Variants in SCAMP1 observed in about 807,000 individuals in gnomAD.
SCAMP1 encodes the protein secretory carrier-associated membrane protein 1.
SCAMP1 carries 15 observed loss-of-function variants against 41.8 expected under a neutral mutation model. The observed-to-expected ratio is 0.36, with a 90% CI of 0.24 to 0.55. SCAMP1 has a LOEUF of 0.55. SCAMP1 is among the 20% of genes least tolerant of loss of function. The pLI, the probability that SCAMP1 is intolerant of heterozygous loss-of-function variation, is 0.86. For missense variants in SCAMP1, 341 were observed against 412.6 expected (o/e 0.83, Z 1.50); for synonymous variants, 135 against 136.8 (o/e 0.99, Z 0.09).
intron 2 of SCAMP1, among the ~76,000 whole-genome samples, chr5:78,393,739 C>T (rs567832032): frequency 1.3e-5 from 2 of 152,108 alleles, no homozygotes; most frequent in East Asian, 1.9e-4. Context: ...CTGGCCTACC[C>T]TCTAAAATCT....
intron 1 of SCAMP1, among the ~76,000 whole-genome samples, chr5:78,378,068 G>A (rs986026555): frequency 2.2e-4 from 34 of 152,134 alleles, no homozygotes; most frequent in Admixed American, 6.6e-5. Flanking sequence ...CTTGCCTGAT[G>A]TCACAGTATT....
At chr5:78,435,832 A>T (rs920261702) in intron 6 of SCAMP1, among the ~76,000 whole-genome samples, 29 of 152,302 alleles carry the variant, frequency 1.9e-4, no homozygotes, top group African/African-American at 7.0e-4. Context: ...ACTAATTTAC[A>T]TTCCCATCAA....
chr5:78,411,112 G>A (rs1752065088), intron 2 of SCAMP1, among the ~76,000 whole-genome samples: 1 of 151,994 alleles, frequency 6.6e-6, no homozygotes, highest in East Asian at 1.9e-4. Flanking sequence ...CTGATAGTTT[G>A]TTTTGCTGTG....
At chr5:78,391,890 G>C (rs889837329) in intron 2 of SCAMP1, among the ~76,000 whole-genome samples, 11 of 152,138 alleles carry the variant, frequency 7.2e-5, no homozygotes, top group Non-Finnish European at 1.6e-4. Flanking sequence ...GCCTGCAATC[G>C]CAGGCACTCG....
At chr5:78,460,304 A>G (rs748509154) in intron 8 of SCAMP1, among the ~76,000 whole-genome samples, 21 of 152,310 alleles carry the variant, frequency 1.4e-4, no homozygotes, top group Non-Finnish European at 2.4e-4. Context: ...TGGAAGGTCT[A>G]TTTTTACTTC....
In SCAMP1 at chr5:78,364,873, G is replaced by C. The variant is rs1014906297; in HGVS notation, c.57+4145G>C. Among the ~76,000 whole-genome samples, 10 of 135,970 alleles carry C rather than the reference G, an allele frequency of 7.4e-5. No homozygotes were observed. The South Asian group carries it at 9.8e-4, about 13-fold the overall frequency. 89.2% of individuals were successfully genotyped at this position (135,970 alleles called of 152,430 possible). On this transcript the variant is annotated intron_variant, in intron 1 of 8. Coordinates refer to ENST00000621999, the MANE Select transcript of SCAMP1 (RefSeq NM_004866.6). ...CACAGGGTGGGGAACATCACACACC[G>C]GGGTCTGTCATGGGGTGGGGGGAGG... is the stretch of plus-strand genomic sequence containing the variant.
intron 8 of SCAMP1, among the ~76,000 whole-genome samples, chr5:78,469,449 C>T (rs1020692732): frequency 3.3e-5 from 5 of 151,046 alleles, no homozygotes; most frequent in Non-Finnish European, 7.4e-5. Context: ...ATTCTGTCCT[C>T]GGCTGATACT....
At chr5:78,457,804 T>A (rs1580712320) in intron 7 of SCAMP1, 1 of 162,014 alleles carries the variant, frequency 6.2e-6, no homozygotes, top group African/African-American at 2.4e-5. Context: ...CCTTGCAGTT[T>A]GATCTCAGAT....
At chr5:78,465,125 C>G (rs1561288971) in intron 8 of SCAMP1, among the ~76,000 whole-genome samples, 1 of 152,160 alleles carries the variant, frequency 6.6e-6, no homozygotes, top group Non-Finnish European at 1.5e-5. Context: ...GGGACCATGT[C>G]ATTCTCTGTT....
intron 7 of SCAMP1, among the ~76,000 whole-genome samples, chr5:78,458,537 G>T (rs940392636): frequency 6.6e-6 from 1 of 152,186 alleles, no homozygotes; most frequent in Admixed American, 6.5e-5. Context: ...TGGATATATG[G>T]TTTATAAATA....
chr5:78,408,019 A>G (rs1347476842), intron 2 of SCAMP1, among the ~76,000 whole-genome samples: 1 of 152,156 alleles, frequency 6.6e-6, no homozygotes, highest in African/African-American at 2.4e-5. Context: ...TCATAGATTT[A>G]AATCATAAGC....
intron 1 of SCAMP1, among the ~76,000 whole-genome samples, chr5:78,365,270 C>T (rs1335133340): frequency 2.0e-5 from 3 of 151,568 alleles, no homozygotes; most frequent in East Asian, 1.9e-4. Flanking sequence ...GTCAGGAGTT[C>T]GAGACCAGCC....
chr5:78,446,418 T>C (rs937945249), intron 6 of SCAMP1, among the ~76,000 whole-genome samples: 4 of 152,156 alleles, frequency 2.6e-5, no homozygotes, highest in African/African-American at 9.6e-5. Flanking sequence ...AGCCCCTTTT[T>C]AGAGCACATA....
intron 6 of SCAMP1, among the ~76,000 whole-genome samples, chr5:78,443,653 C>CTTGCT (rs1554045575): frequency 5.6e-5 from 4 of 71,966 alleles, no homozygotes; most frequent in African/African-American, 2.3e-4. Flanking sequence ...AGTGGTTTTG[C>CTTGCT]TTTTTTTTTT....
chr5:78,388,220 C>T (rs1159470547), intron 1 of SCAMP1, among the ~76,000 whole-genome samples: 1 of 152,172 alleles, frequency 6.6e-6, no homozygotes, highest in Non-Finnish European at 1.5e-5. Flanking sequence ...TTTTCCCTCT[C>T]ACTGTGTGAT....
intron 8 of SCAMP1, among the ~76,000 whole-genome samples, chr5:78,472,600 A>T (rs955694514): frequency 1.3e-5 from 2 of 152,040 alleles, no homozygotes; most frequent in African/African-American, 4.8e-5. Context: ...TTTCACATGG[A>T]TATAATGGAT....
At chr5:78,407,995 T>C (rs1267941496) in intron 2 of SCAMP1, among the ~76,000 whole-genome samples, 1 of 152,160 alleles carries the variant, frequency 6.6e-6, no homozygotes. Flanking sequence ...TGTGGACCCT[T>C]GTGGTTTGTT....
intron 6 of SCAMP1, among the ~76,000 whole-genome samples, chr5:78,445,368 C>T (rs750741117): frequency 1.4e-4 from 22 of 152,146 alleles, no homozygotes; most frequent in Non-Finnish European, 2.4e-4. Context: ...TTTATGTGTT[C>T]TGATGAGAAA....
At chr5:78,469,466 A>G (rs1455656023) in intron 8 of SCAMP1, among the ~76,000 whole-genome samples, 1 of 151,628 alleles carries the variant, frequency 6.6e-6, no homozygotes, top group Non-Finnish European at 1.5e-5. Context: ...TACTCTTAGT[A>G]TATTCACCAA....
Sources: allele counts gnomAD v4.1 joint callset (sites outside exome capture counted in the v4.1 genomes callset), GRCh38; gene constraint gnomAD v4.1.1; transcripts MANE v1.5; gene names NCBI Gene and HGNC (gene_info 2026-07-23, HGNC 2026-07-21).